CEP85: variants seen among roughly 807,000 people sequenced by gnomAD.
The protein encoded by CEP85 is centrosomal protein 85.
CEP85 carries 58 observed loss-of-function variants against 93.7 expected under a neutral mutation model. The ratio of observed to expected loss-of-function variants is 0.62; its 90% CI spans 0.50 to 0.77. CEP85 has a LOEUF of 0.77. CEP85 is among the 30% of genes least tolerant of loss of function. The pLI is 0.00. For missense variants in CEP85, 868 were observed against 922.0 expected, an observed-to-expected ratio of 0.94 and a Z score of 0.76; for synonymous variants, 314 against 338.6, an observed-to-expected ratio of 0.93 and a Z score of 0.80.
Position 26,255,585 on chromosome 1 carries a change from A to G in CEP85, c.623A>G (p.His208Arg), listed in dbSNP as rs565099659. 2.5e-6 allele frequency: 4 copies of G among 1,614,164 alleles called. No individual in the cohort carries two copies. Among genetic ancestry groups the G allele is most frequent in the Non-Finnish European group, 2.5e-6 (3 of 1,180,022 alleles). The change falls in exon 4 of 14, where the codon CAC becomes CGC. Residue 208 changes from histidine to arginine, a missense_variant. Physicochemically the swap from His to Arg is conservative, Grantham distance 29. Coordinates refer to ENST00000451429, the MANE Select transcript of CEP85 (RefSeq NM_001319944.2). ...YSDPHHRVRF[H>R]NPRTSTSKEL... ...GATCCTCACCACCGAGTCCGCTTCC[A>G]CAACCCAAGAACCAGCACAAGTAAG...
intron 3 of CEP85, among the ~76,000 whole-genome samples, chr1:26,249,809 C>A (rs988272631): frequency 2.2e-4 from 33 of 152,246 alleles, no homozygotes; most frequent in African/African-American, 7.5e-4. Context: ...CTTAAAATGG[C>A]AAAACCCCAA....
rs749515523 is a variant in CEP85 at position 26,244,314 on chromosome 1, G to T, written c.204G>T (p.Ala68=). The change falls in exon 3 of 14, where the codon GCG becomes GCT. Residue 68 remains alanine, a synonymous_variant. Transcript: ENST00000451429. The stretch of plus-strand genomic sequence containing the variant: ...TTGGTACATCATGCTCAGATATTGC[G>T]GAGGGTAAGTTTGTATTAATGATTT... ...TAIGTSCSDI[A]EDFCSSSGSP... 6.2e-7 allele frequency: 1 copy of T among 1,613,026 alleles called. No individual in the cohort carries two copies. The highest frequency in any genetic ancestry group is 8.5e-7 in the Non-Finnish European group (1 of 1,179,506).
At chr1:26,242,983 T>G (rs561103682) in intron 2 of CEP85, among the ~76,000 whole-genome samples, 2 of 152,312 alleles carry the variant, frequency 1.3e-5, no homozygotes, top group Admixed American at 6.5e-5. Context: ...TCTTTTTGTC[T>G]TAACCTTCTC....
intron 2 of CEP85, among the ~76,000 whole-genome samples, chr1:26,242,603 A>C (rs1203371422): frequency 6.6e-6 from 1 of 152,212 alleles, no homozygotes; most frequent in African/African-American, 2.4e-5. Flanking sequence ...AAATAGATTA[A>C]AAAGATGAGA....
At chr1:26,270,577 G>A (rs995069918) in intron 9 of CEP85, among the ~76,000 whole-genome samples, 5 of 152,192 alleles carry the variant, frequency 3.3e-5, no homozygotes, top group African/African-American at 1.2e-4. Context: ...AGTAATTGTA[G>A]GGACCCACTG....
At chr1:26,275,395 C>G (rs1439807165) in intron 12 of CEP85, among the ~76,000 whole-genome samples, 1 of 151,716 alleles carries the variant, frequency 6.6e-6, no homozygotes, top group African/African-American at 2.4e-5. Context: ...ATTCCCCTGC[C>G]TCAGCCTCCT....
chr1:26,259,668 G>A lies in CEP85; in HGVS notation c.1207G>A (p.Glu403Lys). ...FLRAQFAQKT[E>K]ALSREKIDLE... ...ACGTGCACAGTTTGCACAGAAGACA[G>A]AAGCCTTGAGCAGAGAAAAGATTGA... is the stretch of plus-strand genomic sequence containing the variant. The change falls in exon 7 of 14, where the codon GAA becomes AAA. Residue 403 changes from glutamate to lysine, a missense_variant. Glu to Lys is a moderately conservative substitution (Grantham distance 56). Transcript: ENST00000451429. 1 of 1,613,830 alleles carries A rather than the reference G, an allele frequency of 6.2e-7. No homozygotes were observed. Among genetic ancestry groups the A allele is most frequent in the African/African-American group, 1.3e-5 (1 of 75,038 alleles).
rs1205262045 is a variant in CEP85 at position 26,277,956 on chromosome 1, C to A, written c.*663C>A. ...ACAAGAGATCCCACTCTCCAGCTGC[C>A]TTGTGTCCCTAGGGTCCTGGCCATG... On this transcript the variant is annotated 3_prime_UTR_variant, in exon 14 of 14. Transcript: ENST00000451429. 27 of 152,768 alleles carry A rather than the reference C, an allele frequency of 1.8e-4. No homozygotes were observed. The highest frequency in any genetic ancestry group is 1.6e-3 in the Admixed American group (25 of 15,286). 9.5% of individuals were successfully genotyped at this position (152,768 alleles called of 1,614,324 possible).
chr1:26,274,645 G>A (rs1169213522), intron 11 of CEP85, among the ~76,000 whole-genome samples: 1 of 152,156 alleles, frequency 6.6e-6, no homozygotes, highest in African/African-American at 2.4e-5. Flanking sequence ...CAGCCTTCAG[G>A]GATGAGGGCC....
chr1:26,255,600 G>A lies in CEP85; in HGVS notation c.638G>A (p.Ser213Asn), dbSNP rs3795686. The A allele has an allele frequency of 0.28, 456,616 of 1,613,856 alleles. 67,910 individuals carry two copies. Among genetic ancestry groups the A allele is most frequent in the Non-Finnish European group, 0.31 (364,710 of 1,179,926 alleles). Residue 213 changes from serine to asparagine, a missense_variant, in exon 4 of 14, where the codon AGC (serine) becomes AAC (asparagine). Transcript: ENST00000451429. ...HRVRFHNPRT[S>N]TSKELYRVLP... ...GTCCGCTTCCACAACCCAAGAACCA[G>A]CACAAGTAAGGAGTTGTACAGAGTG...
At chr1:26,244,012 A>G (rs1261574477) in intron 2 of CEP85, among the ~76,000 whole-genome samples, 154 bp from the exon 3 acceptor site, 3 of 126,360 alleles carry the variant, frequency 2.4e-5, no homozygotes, top group East Asian at 2.1e-4. Flanking sequence ...AAAAAAAAAA[A>G]AAAAACTAGA....
Position 26,234,254 on chromosome 1 carries a change from G to A in CEP85, c.-79G>A, listed in dbSNP as rs3795687. Reference sequence around the variant, plus strand: ...GGGAACCACCGCTCACCGCAGACGTGGTGGCTGCAGTCAGTCTTCCCGAGT... The same window carrying A: ...GGGAACCACCGCTCACCGCAGACGTAGTGGCTGCAGTCAGTCTTCCCGAGT... On this transcript the variant is annotated 5_prime_UTR_variant, in exon 1 of 14. Transcript: ENST00000451429. 0.22 allele frequency: 33,381 copies of A among 152,256 alleles called. 4,062 individuals carry two copies. Among genetic ancestry groups the A allele is most frequent in the African/African-American group, 0.32 (13,202 of 41,524 alleles). The allele number at this position is 152,256 out of a possible 1,614,324, so 9.4% of individuals were successfully genotyped here. A position where few individuals can be genotyped will look rare whatever the true frequency, so the allele number is the denominator to read the frequency against.
At chr1:26,273,452 AC>A (rs1253973019) in intron 11 of CEP85, among the ~76,000 whole-genome samples, 2 of 152,222 alleles carry the variant, frequency 1.3e-5, no homozygotes, top group African/African-American at 2.4e-5. Context: ...GCATTTTAAT[AC>A]ATACCCATTT....
At chr1:26,270,972 G>T (rs2089965066) in intron 9 of CEP85, 42 bp from the exon 10 acceptor site, 1 of 1,229,614 alleles carries the variant, frequency 8.1e-7, no homozygotes, top group East Asian at 2.3e-5. Flanking sequence ...AAAGCCACTT[G>T]TGTCTAACTT....
At chr1:26,254,410 C>G (rs2089664374) in intron 3 of CEP85, among the ~76,000 whole-genome samples, 1 of 149,520 alleles carries the variant, frequency 6.7e-6, no homozygotes, top group Admixed American at 6.7e-5. Flanking sequence ...AACACAAATT[C>G]AGTCTGAAGG....
At chr1:26,243,213 A>G (rs2089455774) in intron 2 of CEP85, among the ~76,000 whole-genome samples, 1 of 150,526 alleles carries the variant, frequency 6.6e-6, no homozygotes, top group Admixed American at 6.7e-5. Context: ...GCTCACTGCA[A>G]CCTCGAAGCA....
chr1:26,261,897 A>T (rs1030512047), intron 7 of CEP85, among the ~76,000 whole-genome samples: 1 of 152,136 alleles, frequency 6.6e-6, no homozygotes. Context: ...CTGGCCAGGC[A>T]TGGTGGCTCA....
rs1344486332 is a variant in CEP85, at chr1:26,276,564, G to A, written c.1932G>A (p.Glu644=). Residue 644 remains glutamate (E), a synonymous_variant, in exon 13 of 14, where the codon GAG becomes GAA. Transcript: ENST00000451429. ...ELSVQNQDLI[E]KNLTLQEHLR... ...CAGTGCAAAACCAGGACTTGATTGA[G>A]AAGAATCTGACACTCCAGGAACACC... is the stretch of plus-strand genomic sequence containing the variant. 6.2e-7 allele frequency: 1 copy of A among 1,614,216 alleles called. No homozygotes were observed. Among genetic ancestry groups the A allele is most frequent in the Non-Finnish European group, 8.5e-7 (1 of 1,180,034 alleles).
intron 4 of CEP85, among the ~76,000 whole-genome samples, chr1:26,256,926 T>G (rs182522143): frequency 0.53 from 66,489 of 125,352 alleles, 18,093 homozygotes; most frequent in Non-Finnish European, 0.64. Context: ...TTGTTTTGTT[T>G]TGGTGTGTGT....
Sources: gnomAD v4.1 joint callset for allele counts (sites outside exome capture counted in the v4.1 genomes callset) on GRCh38, gnomAD v4.1.1 for gene constraint, MANE v1.5 for transcripts, NCBI Gene and HGNC (gene_info 2026-07-23, HGNC 2026-07-21) for gene names.